The following SEC31A variants were observed in gnomAD, a reference collection of about 807,000 sequenced individuals.
SEC31A encodes protein transport protein Sec31A.
A neutral mutation model predicts 151.0 loss-of-function variants in SEC31A; 70 were observed. The ratio of observed to expected loss-of-function variants is 0.46; its 90% CI spans 0.38 to 0.57. The LOEUF (loss-of-function observed/expected upper bound fraction) is 0.57. Among genes scored for constraint, SEC31A ranks in the 20% least tolerant of loss-of-function variants. The pLI, the probability that SEC31A is intolerant of heterozygous loss-of-function variation, is 0.00. For synonymous variants in SEC31A, 475 were observed against 505.9 expected (o/e 0.94, Z 0.82); for missense variants, 1,330 against 1,471.2 (o/e 0.90, Z 1.57).
chr4:82,872,212 G>T, intron 6 of SEC31A, 126 bp from the exon 7 acceptor site: 1 of 740,314 alleles, frequency 1.4e-6, no homozygotes, highest in Admixed American at 2.8e-5. Context: ...TTTTATTTAT[G>T]ATCTATTTAT....
rs757883239 is a variant in SEC31A, at chr4:82,851,478, C to T, written c.2281G>A (p.Gly761Ser). 2 of 1,613,978 alleles carry T rather than the reference C, an allele frequency of 1.2e-6. No homozygotes were observed. The highest frequency in any genetic ancestry group is 1.7e-6 in the Non-Finnish European group (2 of 1,179,928). ...AAAGCCAAGGCTGCAGCAATACTGCCCTGAGCTGCCAACAAATTGGCATAC... is the reference window on the plus strand; with the variant it reads ...AAAGCCAAGGCTGCAGCAATACTGCTCTGAGCTGCCAACAAATTGGCATAC... ...SQYANLLAAQ[G>S]SIAAALAFLP... Residue 761 changes from glycine to serine, a missense_variant, in exon 19 of 27, where the codon GGC becomes AGC. Gly to Ser is a moderately conservative substitution (Grantham distance 56). Transcript: ENST00000395310.
upstream of SEC31A, chr4:82,892,889 CAA>C (rs528389911): frequency 2.0e-5 from 3 of 152,104 alleles, no homozygotes; most frequent in African/African-American, 7.2e-5. Flanking sequence ...TGGAACTGTG[CAA>C]AGACTGCCTG....
intron 7 of SEC31A, among the ~76,000 whole-genome samples, chr4:82,870,711 T>C (rs957550292): frequency 5.3e-5 from 8 of 149,938 alleles, no homozygotes; most frequent in African/African-American, 2.0e-4. Flanking sequence ...CAACATAAAA[T>C]AAAAAAAGAA....
intron 1 of SEC31A, 135 bp from the exon 2 acceptor site, chr4:82,882,075 C>T (rs1407736677): frequency 2.5e-5 from 18 of 710,598 alleles, no homozygotes; most frequent in African/African-American, 3.5e-5. Flanking sequence ...TAAATCAAAT[C>T]GGTTTAGGTG....
chr4:82,878,541 T>C (rs1353135052), intron 4 of SEC31A, among the ~76,000 whole-genome samples, 189 bp downstream of exon 4: 1 of 152,074 alleles, frequency 6.6e-6, no homozygotes, highest in East Asian at 1.9e-4. Context: ...GCCGGATCCT[T>C]TTCATGGAGG....
chr4:82,874,661 C>G lies in SEC31A; in HGVS notation c.589G>C (p.Asp197His). ...ASPSGRATVW[D>H]LRKNEPIIKV... ...ATGATTGGCTCATTTTTTCTAAGAT[C>G]CCATACAGTGGCCCGGCCACTGGGA... The change falls in exon 6 of 27, where the codon GAT (aspartate) becomes CAT (histidine). Residue 197 changes from aspartate to histidine, a missense_variant. Physicochemically the swap from Asp to His is moderately conservative, Grantham distance 81. Coordinates refer to ENST00000395310, the MANE Select transcript of SEC31A (RefSeq NM_001077207.4). 6.2e-7 allele frequency: 1 copy of G among 1,612,812 alleles called. No homozygotes were observed. The highest frequency in any genetic ancestry group is 8.5e-7 in the Non-Finnish European group (1 of 1,179,748).
At chr4:82,854,591 C>T (rs1732210368) in intron 17 of SEC31A, among the ~76,000 whole-genome samples, 2 of 151,524 alleles carry the variant, frequency 1.3e-5, no homozygotes, top group African/African-American at 4.9e-5. Flanking sequence ...TACTTATGGT[C>T]TATTTCACAG....
intron 4 of SEC31A, among the ~76,000 whole-genome samples, chr4:82,877,044 C>T (rs906214461): frequency 1.3e-5 from 2 of 151,844 alleles, no homozygotes; most frequent in African/African-American, 4.8e-5. Flanking sequence ...TTGGGACCAG[C>T]TTGACCAACA....
At chr4:82,842,561 C>CA (rs1347970684) in intron 21 of SEC31A, 80 bp from the exon 22 acceptor site, 2 of 1,018,874 alleles carry the variant, frequency 2.0e-6, no homozygotes, top group African/African-American at 3.2e-5. Context: ...AAAGTTATCT[C>CA]AGTCTATAGA....
chr4:82,862,692 T>C (rs1353044499), intron 12 of SEC31A, 120 bp from the exon 13 acceptor site: 5 of 771,066 alleles, frequency 6.5e-6, no homozygotes, highest in African/African-American at 3.5e-5. Flanking sequence ...GAATAGTATG[T>C]TTAAAAAAAT....
chr4:82,824,741 T>A lies in SEC31A; in HGVS notation c.3292-67A>T, dbSNP rs533741598. On this transcript the variant is annotated intron_variant, in intron 24 of 26. Transcript: ENST00000395310. Reference sequence around the variant, plus strand: ...GCTACCTTATATACACAATCTTGAATCTATGTGATAAACAGAAACCGACAA... The same window carrying A: ...GCTACCTTATATACACAATCTTGAAACTATGTGATAAACAGAAACCGACAA... 2.6e-6 allele frequency: 4 copies of A among 1,547,320 alleles called. No individual in the cohort carries two copies. The East Asian group carries it at 9.1e-5, about 35-fold the overall frequency.
chr4:82,886,029 AGCAAGGGG>A (rs1740621333), intron 1 of SEC31A, among the ~76,000 whole-genome samples: 1 of 143,056 alleles, frequency 7.0e-6, no homozygotes, highest in Non-Finnish European at 1.6e-5. Context: ...TGTACATGCT[AGCAAGGGG>A]GCAAGGGGCA....
At chr4:82,844,532 G>C (rs1488375799) in intron 20 of SEC31A, 23 bp from the exon 21 acceptor site, 1 of 1,610,776 alleles carries the variant, frequency 6.2e-7, no homozygotes, top group African/African-American at 1.3e-5. Flanking sequence ...AACATGGTAA[G>C]AAGGCGGATA....
chr4:82,889,662 G>A (rs1226210929), intron 1 of SEC31A, among the ~76,000 whole-genome samples: 1 of 151,604 alleles, frequency 6.6e-6, no homozygotes, highest in African/African-American at 2.4e-5. Flanking sequence ...CCAAAATTTT[G>A]AATCATTGCT....
chr4:82,835,419 A>G (rs1469865946), intron 22 of SEC31A, among the ~76,000 whole-genome samples: 1 of 152,216 alleles, frequency 6.6e-6, no homozygotes, highest in Non-Finnish European at 1.5e-5. Flanking sequence ...TCAAAAAACT[A>G]TAAAGTGGGG....
intron 20 of SEC31A, among the ~76,000 whole-genome samples, chr4:82,847,776 ACAGCAGC>A (rs1730562980): frequency 6.6e-6 from 1 of 152,178 alleles, no homozygotes; most frequent in African/African-American, 2.4e-5. Flanking sequence ...CTATACCCCC[ACAGCAGC>A]CAGAGCAATG....
At chr4:82,892,638 A>G (rs1719869426), upstream of SEC31A, among the ~76,000 whole-genome samples, 2 of 152,270 alleles carry the variant, frequency 1.3e-5, no homozygotes, top group African/African-American at 4.8e-5. Flanking sequence ...GTGCTCTGCT[A>G]TCTGTGCATG....
At chr4:82,887,667 G>C (rs552830192) in intron 1 of SEC31A, among the ~76,000 whole-genome samples, 1 of 152,330 alleles carries the variant, frequency 6.6e-6, no homozygotes, top group South Asian at 2.1e-4. Context: ...TACTCAGAGT[G>C]GTTAGAACAG....
At chr4:82,888,965 G>A (rs959202867) in intron 1 of SEC31A, among the ~76,000 whole-genome samples, 3 of 152,132 alleles carry the variant, frequency 2.0e-5, no homozygotes, top group African/African-American at 7.2e-5. Flanking sequence ...ATTGGAACTT[G>A]GATTCCCAAA....
Sources: allele counts gnomAD v4.1 joint callset (sites outside exome capture counted in the v4.1 genomes callset), GRCh38; gene constraint gnomAD v4.1.1; transcripts MANE v1.5; gene names NCBI Gene and HGNC (gene_info 2026-07-23, HGNC 2026-07-21).